Variants in CDH18 observed in about 807,000 individuals in gnomAD.
CDH18 encodes the protein cadherin 18, also known as cadherin-18.
In CDH18, 31 loss-of-function variants were observed where a neutral mutation model predicts 67.9. The ratio of observed to expected loss-of-function variants is 0.46; its 90% CI spans 0.34 to 0.62. The LOEUF is 0.62. Ranked by LOEUF, CDH18 falls within the 20% of genes least tolerant of loss-of-function variation. CDH18 has a pLI of 0.01. For missense variants in CDH18, 890 were observed against 975.5 expected, an observed-to-expected ratio of 0.91 and a Z score of 1.17; for synonymous variants, 362 against 347.2, an observed-to-expected ratio of 1.04 and a Z score of -0.48.
At chr5:19,792,108 T>C (rs558985986) in intron 3 of CDH18, among the ~76,000 whole-genome samples, 1 of 152,288 alleles carries the variant, frequency 6.6e-6, no homozygotes, top group East Asian at 1.9e-4. Context: ...CCCACAGAGC[T>C]GATAAAACAT....
chr5:19,494,745 G>A (rs1742009360), intron 11 of CDH18, among the ~76,000 whole-genome samples: 1 of 152,150 alleles, frequency 6.6e-6, no homozygotes, highest in African/African-American at 2.4e-5. Context: ...AACATAGTAA[G>A]GGATCGTAGG....
At chr5:20,319,555 A>G (rs191820683) in intron 1 of CDH18, among the ~76,000 whole-genome samples, 8 of 152,260 alleles carry the variant, frequency 5.3e-5, no homozygotes, top group Non-Finnish European at 7.4e-5. Context: ...AAGTTAACAC[A>G]TTATTTGTTT....
At chr5:20,300,452 C>CA (rs143137286) in intron 1 of CDH18, among the ~76,000 whole-genome samples, 1,650 of 152,042 alleles carry the variant, frequency 0.011, 33 homozygotes, top group African/African-American at 0.038. Context: ...TCTCATGTCC[C>CA]ACTAGGTTTG....
chr5:20,123,523 C>G (rs1026019161), intron 2 of CDH18, among the ~76,000 whole-genome samples: 2 of 152,132 alleles, frequency 1.3e-5, no homozygotes, highest in African/African-American at 4.8e-5. Context: ...CTTTAAGCTC[C>G]CATTATTTCC....
chr5:20,384,975 C>G (rs1468167867), intron 1 of CDH18, among the ~76,000 whole-genome samples: 1 of 151,878 alleles, frequency 6.6e-6, no homozygotes, highest in African/African-American at 2.4e-5. Context: ...CAACTAAGAT[C>G]ACGGGTGCCC....
chr5:19,962,686 G>A (rs772775526), intron 2 of CDH18, among the ~76,000 whole-genome samples: 16 of 152,024 alleles, frequency 1.1e-4, no homozygotes, highest in Non-Finnish European at 2.2e-4. Context: ...TGAGGCAAGA[G>A]AATCTATTGA....
chr5:19,827,398 T>C (rs1189339565), intron 3 of CDH18, among the ~76,000 whole-genome samples: 1 of 150,790 alleles, frequency 6.6e-6, no homozygotes, highest in Non-Finnish European at 1.5e-5. Context: ...TTAACAAATA[T>C]CTACAGAACT....
chr5:20,338,942 C>T (rs965561939), intron 1 of CDH18, among the ~76,000 whole-genome samples: 2 of 152,134 alleles, frequency 1.3e-5, no homozygotes, highest in Non-Finnish European at 2.9e-5. Context: ...AGTGTGACTT[C>T]CCCTGTTGAC....
chr5:19,707,033 T>C (rs1208548010), intron 5 of CDH18, among the ~76,000 whole-genome samples: 1 of 151,726 alleles, frequency 6.6e-6, no homozygotes, highest in Non-Finnish European at 1.5e-5. Flanking sequence ...GGGAAATAGG[T>C]AAAATAATAA....
intron 1 of CDH18, among the ~76,000 whole-genome samples, chr5:20,300,336 T>C (rs1747877343): frequency 7.5e-6 from 1 of 133,152 alleles, no homozygotes; most frequent in Admixed American, 7.5e-5. Flanking sequence ...GTGTGTGTAT[T>C]TTCCTGTGGA....
chr5:19,765,406 T>TTTTA (rs35210328), intron 3 of CDH18, among the ~76,000 whole-genome samples: 98 of 150,254 alleles, frequency 6.5e-4, no homozygotes, highest in East Asian at 2.9e-3. Flanking sequence ...ATTTTTTTTT[T>TTTTA]AATAAAAAAG....
chr5:20,291,408 G>A (rs1297176703), intron 1 of CDH18, among the ~76,000 whole-genome samples: 1 of 152,116 alleles, frequency 6.6e-6, no homozygotes, highest in Non-Finnish European at 1.5e-5. Context: ...TAAGGGTGAT[G>A]GTGGGGAACC....
chr5:20,102,023 A>G (rs1357068070), intron 2 of CDH18, among the ~76,000 whole-genome samples: 1 of 152,178 alleles, frequency 6.6e-6, no homozygotes, highest in Non-Finnish European at 1.5e-5. Flanking sequence ...GTGAGCTGAG[A>G]TCGCGCCACT....
chr5:19,685,440 C>T (rs1760944920), intron 5 of CDH18, among the ~76,000 whole-genome samples: 1 of 152,178 alleles, frequency 6.6e-6, no homozygotes, highest in Non-Finnish European at 1.5e-5. Context: ...CATTTCCAGC[C>T]CTTTTCTGCC....
intron 3 of CDH18, among the ~76,000 whole-genome samples, chr5:19,750,204 C>T (rs1770654500): frequency 6.6e-6 from 1 of 151,990 alleles, no homozygotes; most frequent in African/African-American, 2.4e-5. Flanking sequence ...ATGATAACCA[C>T]TGTGAAATAG....
At chr5:19,986,957 C>T (rs963116598) in intron 1 of CDH18, among the ~76,000 whole-genome samples, 4 of 152,098 alleles carry the variant, frequency 2.6e-5, no homozygotes, top group African/African-American at 9.7e-5. Flanking sequence ...ACAGTCAGAG[C>T]CTGTAGTTAG....
intron 2 of CDH18, among the ~76,000 whole-genome samples, chr5:20,100,240 A>T (rs1746340658): frequency 6.6e-6 from 1 of 152,178 alleles, no homozygotes; most frequent in African/African-American, 2.4e-5. Context: ...ATGGGGTAGA[A>T]TTTTGAAATC....
chr5:19,722,874 T>C (rs1181828936), intron 4 of CDH18, among the ~76,000 whole-genome samples: 1 of 152,176 alleles, frequency 6.6e-6, no homozygotes, highest in Non-Finnish European at 1.5e-5. Context: ...TGACAATTAA[T>C]AGTTTTTTAT....
intron 5 of CDH18, among the ~76,000 whole-genome samples, chr5:19,667,402 G>C (rs891207126): frequency 1.3e-5 from 2 of 149,934 alleles, no homozygotes; most frequent in African/African-American, 2.4e-5. Context: ...ATTATATATT[G>C]TTTTCTCCTT....
Sources: allele counts gnomAD v4.1 joint callset (sites outside exome capture counted in the v4.1 genomes callset), GRCh38; gene constraint gnomAD v4.1.1; transcripts MANE v1.5; gene names NCBI Gene and HGNC (gene_info 2026-07-23, HGNC 2026-07-21).